KCTD15: variants seen among roughly 807,000 people sequenced by gnomAD.
KCTD15 encodes the protein BTB/POZ domain-containing protein KCTD15.
KCTD15 carries 11 observed loss-of-function variants against 27.2 expected under a neutral mutation model. That is an observed-to-expected ratio of 0.41 (90% CI 0.25 to 0.67). KCTD15 has a LOEUF of 0.67. Ranked by LOEUF, KCTD15 falls within the 30% of genes least tolerant of loss-of-function variation. The probability of loss-of-function intolerance (pLI) is 0.35; values close to 1 mark genes in which losing one functional copy is unlikely to be tolerated. For synonymous variants in KCTD15, 163 were observed against 176.0 expected, an observed-to-expected ratio of 0.93 and a Z score of 0.58; for missense variants, 350 against 409.3, an observed-to-expected ratio of 0.86 and a Z score of 1.25.
At chr19:33,811,661 C>A in intron 6 of KCTD15, 109 bp downstream of exon 6, 1 of 1,505,730 alleles carries the variant, frequency 6.6e-7, no homozygotes, top group South Asian at 1.3e-5. Context: ...GTGAAGCCCC[C>A]CGTGCCATCC....
chr19:33,803,723 G>A (rs1599676233), intron 4 of KCTD15, among the ~76,000 whole-genome samples: 1 of 151,996 alleles, frequency 6.6e-6, no homozygotes, highest in Non-Finnish European at 1.5e-5. Context: ...GTTAGCTGCC[G>A]CCATCACAGC....
At chr19:33,800,122 T>G (rs1381617304) in intron 2 of KCTD15, among the ~76,000 whole-genome samples, 1 of 152,170 alleles carries the variant, frequency 6.6e-6, no homozygotes, top group African/African-American at 2.4e-5. Context: ...GCAATAATGG[T>G]GAGCATATGT....
rs1021633616 is a variant in KCTD15 at position 33,814,757 on chromosome 19, A to G, written c.*1809A>G. On this transcript the variant is annotated 3_prime_UTR_variant, in exon 7 of 7. Transcript: ENST00000683859. ...AGATTCACATAGGCCTCCAATTTCA[A>G]TGAGACCTTTTGCATTTTTTCTCAA... 2 of 152,104 alleles carry G rather than the reference A, an allele frequency of 1.3e-5. No individual in the cohort carries two copies. Among genetic ancestry groups the G allele is most frequent in the African/African-American group, 4.8e-5 (2 of 41,414 alleles). The allele number at this position is 152,104 out of a possible 1,614,324, so 9.4% of individuals were successfully genotyped here.
At chr19:33,794,558 G>A (rs1323403960), upstream of KCTD15, among the ~76,000 whole-genome samples, 1 of 152,166 alleles carries the variant, frequency 6.6e-6, no homozygotes, top group South Asian at 2.1e-4. Context: ...CATGACAAGC[G>A]GATTTTCAGT....
intron 5 of KCTD15, among the ~76,000 whole-genome samples, chr19:33,810,349 T>C (rs1453503177): frequency 1.3e-5 from 2 of 152,222 alleles, no homozygotes; most frequent in Non-Finnish European, 2.9e-5. Context: ...TCTTGCATCC[T>C]TTGATCCTCA....
rs150364611 is a variant in KCTD15 at position 33,808,036 on chromosome 19, C to T, written c.387+1029C>T. Among the ~76,000 whole-genome samples the T allele has an allele frequency of 1.3e-4, 20 of 152,334 alleles. No homozygotes were observed. In the East Asian group the frequency reaches 3.1e-3, roughly 23 times the overall value. Reference sequence around the variant, plus strand: ...AGATACCCTTTAAACAAAAGGTTAACCCCCAGGTCTCCGGGTGAGCCCGTC... The same window carrying T: ...AGATACCCTTTAAACAAAAGGTTAATCCCCAGGTCTCCGGGTGAGCCCGTC... On this transcript the variant is annotated intron_variant, in intron 5 of 6. Coordinates refer to ENST00000683859, the MANE Select transcript of KCTD15 (RefSeq NM_001129994.2).
At position 33,800,443 on chromosome 19, in the gene KCTD15, A is replaced by G. The variant is rs1163690333; in HGVS notation, c.-12A>G. 3.7e-6 allele frequency: 6 copies of G among 1,601,540 alleles called. No homozygotes were observed. The highest frequency in any genetic ancestry group is 5.1e-6 in the Non-Finnish European group (6 of 1,175,308). On this transcript the variant is annotated 5_prime_UTR_variant, in exon 3 of 7. It removes an upstream start codon present in the reference 5' UTR. Coordinates refer to ENST00000683859, the MANE Select transcript of KCTD15 (RefSeq NM_001129994.2). Reference sequence around the variant, plus strand: ...CCTCCCGCAGATACTCTGGGCAGGGATGGAAGCCTAGATGCCTCACCGCAA... The same window carrying G: ...CCTCCCGCAGATACTCTGGGCAGGGGTGGAAGCCTAGATGCCTCACCGCAA...
rs1293315241 is a variant in KCTD15 at position 33,813,319 on chromosome 19, ACTCTGGCGGGT to A, written c.*375_*385del. On this transcript the variant is annotated 3_prime_UTR_variant, in exon 7 of 7. Coordinates refer to ENST00000683859, the MANE Select transcript of KCTD15 (RefSeq NM_001129994.2). ...GTTTATCCCTCTCCACGCGGGGCAG[ACTCTGGCGGGT>A]CTCCTAGCGTCCGAGAGATGGCTTA... 2 of 525,434 alleles carry A rather than the reference ACTCTGGCGGGT, an allele frequency of 3.8e-6. No individual in the cohort carries two copies. Among genetic ancestry groups the A allele is most frequent in the South Asian group, 1.5e-5 (1 of 65,004 alleles). The allele number at this position is 525,434 out of a possible 1,614,324, so 32.5% of individuals were successfully genotyped here. A position where few individuals can be genotyped will look rare whatever the true frequency, so the allele number is the denominator to read the frequency against.
chr19:33,802,057 GGGGTGCT>G (rs1251407375), intron 4 of KCTD15, among the ~76,000 whole-genome samples: 1 of 152,160 alleles, frequency 6.6e-6, no homozygotes, highest in South Asian at 2.1e-4. Flanking sequence ...CGAGAGGTTT[GGGGTGCT>G]GGGTGCTGCC....
chr19:33,800,671 G>T (rs2303174), intron 3 of KCTD15, 151 bp downstream of exon 3: 3 of 695,388 alleles, frequency 4.3e-6, no homozygotes, highest in Non-Finnish European at 4.8e-6. Context: ...AAACAAAAAT[G>T]CTCTTAATTT....
At chr19:33,808,990 A>T (rs556278922) in intron 5 of KCTD15, among the ~76,000 whole-genome samples, 2 of 151,850 alleles carry the variant, frequency 1.3e-5, no homozygotes, top group East Asian at 3.9e-4. Context: ...TTTTTAATTA[A>T]AAAAGGCCGG....
chr19:33,812,487 A>G, intron 6 of KCTD15: 1 of 1,197,384 alleles, frequency 8.4e-7, no homozygotes, highest in East Asian at 3.8e-5. Flanking sequence ...TAAAGAAGGG[A>G]CCCAAAGCCT....
chr19:33,798,838 G>A (rs914780082), intron 2 of KCTD15, 72 bp downstream of exon 2: 4 of 152,478 alleles, frequency 2.6e-5, no homozygotes, highest in African/African-American at 7.2e-5. Context: ...AGAGTGGAGC[G>A]GCTTCTGTGA....
chr19:33,798,730 G>T lies in KCTD15; in HGVS notation c.-64G>T, dbSNP rs571678409. On this transcript the variant is annotated 5_prime_UTR_variant, in exon 2 of 7. Transcript: ENST00000683859. ...TGCGCTTGTTGGGAGAAACCTTGGAGATTCACGGCAAGGCGTAAAGCCTGG... is the reference window on the plus strand; with the variant it reads ...TGCGCTTGTTGGGAGAAACCTTGGATATTCACGGCAAGGCGTAAAGCCTGG... 1 of 152,830 alleles carries T rather than the reference G, an allele frequency of 6.5e-6. No homozygotes were observed. Among genetic ancestry groups the T allele is most frequent in the Non-Finnish European group, 1.5e-5 (1 of 68,056 alleles). The allele number at this position is 152,830 out of a possible 1,614,324, so 9.5% of individuals were successfully genotyped here. A position where few individuals can be genotyped will look rare whatever the true frequency, so the allele number is the denominator to read the frequency against.
intron 4 of KCTD15, among the ~76,000 whole-genome samples, chr19:33,805,961 A>G (rs73039063): frequency 2.4e-3 from 359 of 152,296 alleles, no homozygotes; most frequent in Admixed American, 6.2e-3. Flanking sequence ...TGTTAGAACC[A>G]TTGCCCTTCA....
intron 3 of KCTD15, 57 bp downstream of exon 3, chr19:33,800,577 C>G (rs1266593960): frequency 6.8e-7 from 1 of 1,475,304 alleles, no homozygotes; most frequent in Admixed American, 2.0e-5. Context: ...CCCTTCTTCC[C>G]CAGTGCCTGT....
upstream of KCTD15, among the ~76,000 whole-genome samples, chr19:33,795,539 C>A (rs1343184542): frequency 6.6e-6 from 1 of 151,888 alleles, no homozygotes; most frequent in Non-Finnish European, 1.5e-5. Context: ...ACCCGCCCCG[C>A]GGTCCCAGCC....
Position 33,814,569 on chromosome 19 carries a change from T to G in KCTD15, c.*1621T>G, listed in dbSNP as rs572646107. ...ATGTTTGGGATTTTCTCTCTCACTA[T>G]TCTTTGGTTGGGGATGATGTCCTCT... On this transcript the variant is annotated 3_prime_UTR_variant, in exon 7 of 7. Coordinates refer to ENST00000683859, the MANE Select transcript of KCTD15 (RefSeq NM_001129994.2). 1 of 152,336 alleles carries G rather than the reference T, an allele frequency of 6.6e-6. No homozygotes were observed. The highest frequency in any genetic ancestry group is 6.5e-5 in the Admixed American group (1 of 15,300). The allele number at this position is 152,336 out of a possible 1,614,324, so 9.4% of individuals were successfully genotyped here.
In KCTD15 at chr19:33,811,353, C is replaced by T; in HGVS notation, c.494C>T (p.Ala165Val). 6.4e-7 allele frequency: 1 copy of T among 1,571,292 alleles called. No individual in the cohort carries two copies. The highest frequency in any genetic ancestry group is 8.6e-7 in the Non-Finnish European group (1 of 1,158,730). ...CAGGAGCAGCGGCGCCGCAGCCGGG[C>T]CTGTGACTGCCTGGTGGTGCGCGTC... Reference protein sequence around the residue: ...QEQEQRRRSRACDCLVVRVTP... With the variant: ...QEQEQRRRSRVCDCLVVRVTP... The change falls in exon 6 of 7, where the codon GCC (alanine) becomes GTC (valine). Residue 165 changes from alanine (A) to valine (V), a missense_variant. Physicochemically the swap from Ala to Val is moderately conservative, Grantham distance 64. This residue lies in a region of KCTD15 where 219 missense variants were observed against 234.9 expected (regional missense o/e 0.93). Transcript: ENST00000683859.
Sources: gnomAD v4.1 joint callset for allele counts (sites outside exome capture counted in the v4.1 genomes callset) on GRCh38, gnomAD v4.1.1 for gene constraint, gnomAD v4.1.1 regional missense constraint, MANE v1.5 for transcripts, NCBI Gene and HGNC (gene_info 2026-07-23, HGNC 2026-07-21) for gene names.